NTF3: variants seen among roughly 807,000 people sequenced by gnomAD.
NTF3 encodes the protein neurotrophin-3.
NTF3 carries 8 observed loss-of-function variants against 26.3 expected under a neutral mutation model. The observed-to-expected ratio is 0.30, with a 90% CI of 0.18 to 0.55. The LOEUF (loss-of-function observed/expected upper bound fraction) is 0.55, where lower values mean the gene tolerates loss of function less well. Among genes scored for constraint, NTF3 ranks in the 20% least tolerant of loss-of-function variants. The pLI, the probability that NTF3 is intolerant of heterozygous loss-of-function variation, is 0.93. For synonymous variants in NTF3, 154 were observed against 145.5 expected, an observed-to-expected ratio of 1.06 and a Z score of -0.42; for missense variants, 276 against 352.9, an observed-to-expected ratio of 0.78 and a Z score of 1.75.
intron 1 of NTF3, among the ~76,000 whole-genome samples, chr12:5,450,565 G>C (rs1940359792): frequency 6.6e-6 from 1 of 152,142 alleles, no homozygotes; most frequent in Admixed American, 6.6e-5. Context: ...TTGTCACTCA[G>C]ACAACAAGAA....
intron 1 of NTF3, among the ~76,000 whole-genome samples, chr12:5,482,661 C>T (rs1161653187): frequency 6.6e-6 from 1 of 151,292 alleles, no homozygotes; most frequent in Non-Finnish European, 1.5e-5. Flanking sequence ...CAACTGAAAC[C>T]CCCTGTACAA....
chr12:5,440,149 A>G (rs921572694), intron 1 of NTF3, among the ~76,000 whole-genome samples: 1 of 152,216 alleles, frequency 6.6e-6, no homozygotes, highest in African/African-American at 2.4e-5. Flanking sequence ...CCACATATAC[A>G]TCATCAAGAC....
At chr12:5,438,744 C>T (rs1403708810) in intron 1 of NTF3, among the ~76,000 whole-genome samples, 3 of 152,224 alleles carry the variant, frequency 2.0e-5, no homozygotes, top group Non-Finnish European at 4.4e-5. Context: ...AGTGACTGGG[C>T]TCTGTCACTA....
At chr12:5,491,300 T>G (rs4074967) in intron 1 of NTF3, among the ~76,000 whole-genome samples, 21,225 of 152,182 alleles carry the variant, frequency 0.14, 1,512 homozygotes, top group South Asian at 0.18. Flanking sequence ...AGAAGTCGAT[T>G]ATTAAAATGG....
At chr12:5,480,554 C>T (rs551293380) in intron 1 of NTF3, among the ~76,000 whole-genome samples, 3 of 152,086 alleles carry the variant, frequency 2.0e-5, no homozygotes, top group Admixed American at 6.5e-5. Context: ...GGGAGGCGAA[C>T]CGGCAGGAAT....
At chr12:5,475,274 T>A (rs1003094417) in intron 1 of NTF3, among the ~76,000 whole-genome samples, 3 of 151,952 alleles carry the variant, frequency 2.0e-5, no homozygotes, top group African/African-American at 7.3e-5. Context: ...TGTCCAGTGA[T>A]TCAGAGAGCA....
Position 5,456,487 on chromosome 12 carries a change from C to A in NTF3, c.18+24145C>A, listed in dbSNP as rs112891078. Reference sequence around the variant, plus strand: ...AATCCATCCCCACTTGTGGGGCCAACGGCACCTAACCACCTCAGGCACGGT... The same window carrying A: ...AATCCATCCCCACTTGTGGGGCCAAAGGCACCTAACCACCTCAGGCACGGT... On this transcript the variant is annotated intron_variant, in intron 1 of 1. Coordinates refer to ENST00000423158, the MANE Select transcript of NTF3 (RefSeq NM_001102654.2). The surrounding 1 kb of genome is among the most constrained non-coding windows in gnomAD (Gnocchi z 4.4). Among the ~76,000 whole-genome samples, 1,055 of 152,236 alleles carry A rather than the reference C, an allele frequency of 6.9e-3. 13 individuals carry two copies. Among genetic ancestry groups the A allele is most frequent in the African/African-American group, 0.024 (984 of 41,548 alleles).
chr12:5,458,233 T>C (rs1423924202), intron 1 of NTF3, among the ~76,000 whole-genome samples: 1 of 152,180 alleles, frequency 6.6e-6, no homozygotes, highest in Non-Finnish European at 1.5e-5. Context: ...GCAGCTCTCC[T>C]CTTCCCTGCC....
At chr12:5,492,555 A>G (rs1287610842) in intron 1 of NTF3, among the ~76,000 whole-genome samples, 1 of 152,166 alleles carries the variant, frequency 6.6e-6, no homozygotes, top group African/African-American at 2.4e-5. Flanking sequence ...TAGAGGAACC[A>G]TTTTCCTAGG....
At chr12:5,446,436 C>T (rs1366861767) in intron 1 of NTF3, among the ~76,000 whole-genome samples, 4 of 152,188 alleles carry the variant, frequency 2.6e-5, no homozygotes, top group South Asian at 2.1e-4. Context: ...GGAAGGAAAG[C>T]GCCTATCCCC....
chr12:5,450,164 G>C (rs903804856), intron 1 of NTF3, among the ~76,000 whole-genome samples: 1 of 152,122 alleles, frequency 6.6e-6, no homozygotes, highest in Non-Finnish European at 1.5e-5. Context: ...AAAATATGTG[G>C]ATTTAGAAGA....
At chr12:5,469,290 C>A (rs1940634472) in intron 1 of NTF3, among the ~76,000 whole-genome samples, 1 of 152,088 alleles carries the variant, frequency 6.6e-6, no homozygotes, top group African/African-American at 2.4e-5. Flanking sequence ...CAGGAGAAGT[C>A]AGACCATAAT....
chr12:5,493,198 T>C (rs749204139), intron 1 of NTF3, among the ~76,000 whole-genome samples: 1 of 152,162 alleles, frequency 6.6e-6, no homozygotes, highest in African/African-American at 2.4e-5. Flanking sequence ...TGTCTTGAGA[T>C]CAGCACTGTA....
intron 1 of NTF3, among the ~76,000 whole-genome samples, chr12:5,473,585 G>A (rs1159664099): frequency 6.6e-6 from 1 of 152,160 alleles, no homozygotes; most frequent in East Asian, 1.9e-4. Flanking sequence ...AGAGCTGTAG[G>A]GCCAGGAAAC....
At chr12:5,481,053 A>G (rs1213981835) in intron 1 of NTF3, among the ~76,000 whole-genome samples, 1 of 151,972 alleles carries the variant, frequency 6.6e-6, no homozygotes, top group African/African-American at 2.4e-5. Context: ...CGGGGTAGGG[A>G]GGACCCGCAG....
chr12:5,459,114 C>A (rs889897887), intron 1 of NTF3, among the ~76,000 whole-genome samples: 5 of 152,194 alleles, frequency 3.3e-5, no homozygotes, highest in Non-Finnish European at 7.3e-5. Context: ...CCCTGGTGAG[C>A]ACTGCAGTTG....
intron 1 of NTF3, among the ~76,000 whole-genome samples, chr12:5,481,564 CAT>C (rs1212638153): frequency 4.1e-4 from 7 of 17,238 alleles, no homozygotes; most frequent in South Asian, 3.5e-3. Flanking sequence ...CACACACACA[CAT>C]ACATACATGC....
At chr12:5,454,084 C>T (rs1031729338) in intron 1 of NTF3, among the ~76,000 whole-genome samples, 1 of 152,166 alleles carries the variant, frequency 6.6e-6, no homozygotes, top group Non-Finnish European at 1.5e-5. Context: ...GGTGGCTTAG[C>T]ACAACAGAAA....
At chr12:5,467,265 T>TAAAAAAA (rs1940604144) in intron 1 of NTF3, among the ~76,000 whole-genome samples, 2 of 62,140 alleles carry the variant, frequency 3.2e-5, no homozygotes, top group Non-Finnish European at 3.2e-5. Flanking sequence ...AAAAAAAAAG[T>TAAAAAAA]CGGGGGCTTG....
Sources: allele counts gnomAD v4.1 joint callset (sites outside exome capture counted in the v4.1 genomes callset), GRCh38; gene constraint gnomAD v4.1.1; non-coding constraint Gnocchi (gnomAD v3.1); transcripts MANE v1.5; gene names NCBI Gene and HGNC (gene_info 2026-07-23, HGNC 2026-07-21).